The following TFDP2 variants were observed in gnomAD, a reference collection of about 807,000 sequenced individuals.
TFDP2 encodes transcription factor Dp-2 (E2F dimerization partner 2).
TFDP2 carries 17 observed loss-of-function variants against 59.3 expected under a neutral mutation model. That is an observed-to-expected ratio of 0.29 (90% confidence interval 0.20 to 0.43). The LOEUF (loss-of-function observed/expected upper bound fraction) is 0.43, where lower values mean the gene tolerates loss of function less well. Among genes scored for constraint, TFDP2 ranks in the 20% least tolerant of loss-of-function variants. The pLI is 1.00. For synonymous variants in TFDP2, 180 were observed against 194.7 expected, an observed-to-expected ratio of 0.92 and a Z score of 0.63; for missense variants, 391 against 528.8, an observed-to-expected ratio of 0.74 and a Z score of 2.56.
intron 3 of TFDP2, among the ~76,000 whole-genome samples, chr3:142,078,330 G>A (rs2060533002): frequency 6.6e-6 from 1 of 152,156 alleles, no homozygotes; most frequent in Non-Finnish European, 1.5e-5. Flanking sequence ...CCTTGAGCAA[G>A]ACCCAGTATT....
At chr3:142,044,392 C>T (rs569023541) in intron 3 of TFDP2, among the ~76,000 whole-genome samples, 264 of 152,078 alleles carry the variant, frequency 1.7e-3, no homozygotes, top group African/African-American at 5.4e-3. Flanking sequence ...TGCACCACCA[C>T]GCCCAGATAA....
At chr3:142,061,913 C>T (rs1426921942) in intron 3 of TFDP2, among the ~76,000 whole-genome samples, 4 of 150,088 alleles carry the variant, frequency 2.7e-5, no homozygotes, top group African/African-American at 4.9e-5. Flanking sequence ...CACACACACA[C>T]ACACACACAC....
At chr3:142,108,098 T>C (rs532314285) in intron 1 of TFDP2, among the ~76,000 whole-genome samples, 5 of 152,298 alleles carry the variant, frequency 3.3e-5, no homozygotes, top group African/African-American at 9.6e-5. Context: ...CTAGTGCCAA[T>C]GAGCTTTCTT....
chr3:142,001,785 C>T (rs1286669564), intron 4 of TFDP2, among the ~76,000 whole-genome samples: 3 of 152,292 alleles, frequency 2.0e-5, no homozygotes, highest in East Asian at 1.9e-4. Flanking sequence ...TCCAATTTCA[C>T]GGCTCCTAAG....
intron 6 of TFDP2, among the ~76,000 whole-genome samples, chr3:141,988,177 C>T (rs896334145): frequency 1.3e-5 from 2 of 152,132 alleles, no homozygotes; most frequent in African/African-American, 4.8e-5. Flanking sequence ...AATTCTTGGG[C>T]GCAAGAGAAT....
chr3:142,143,586 CA>C (rs2063041033), intron 1 of TFDP2, among the ~76,000 whole-genome samples: 1 of 152,144 alleles, frequency 6.6e-6, no homozygotes, highest in Non-Finnish European at 1.5e-5. Flanking sequence ...AAAAAATGAG[CA>C]AAAGATCTGA....
Position 142,107,003 on chromosome 3 carries a change from A to T in TFDP2, c.-92-5162T>A, listed in dbSNP as rs1232896806. 3.9e-5 allele frequency among the ~76,000 whole-genome samples: 6 copies of T among 152,244 alleles called. No homozygotes were observed. In the East Asian group the frequency reaches 9.6e-4, roughly 24 times the overall value. On this transcript the variant is annotated intron_variant, in intron 1 of 12. Transcript: ENST00000489671. ...AAAAAAGCTGCTACTAAAAATTAAT[A>T]GGAAAGGTAGCATATTTAAATGGCA...
intron 1 of TFDP2, among the ~76,000 whole-genome samples, chr3:142,136,521 C>T (rs1472853876): frequency 2.0e-5 from 3 of 151,960 alleles, no homozygotes; most frequent in Middle Eastern, 6.3e-3. Context: ...ATGGTACTGC[C>T]TAGGTTTTCT....
intron 3 of TFDP2, among the ~76,000 whole-genome samples, chr3:142,075,561 GTT>G (rs2060414595): frequency 6.6e-6 from 1 of 151,918 alleles, no homozygotes; most frequent in African/African-American, 2.4e-5. Flanking sequence ...GTACAACTCT[GTT>G]AGTCCCTCTC....
At position 141,978,503 on chromosome 3, in the gene TFDP2, G is replaced by T. The variant is rs755880291; in HGVS notation, c.519+17C>A. On this transcript the variant is annotated intron_variant, in intron 7 of 12. Transcript: ENST00000489671. The stretch of plus-strand genomic sequence containing the variant: ...CATCATCCATCAAAATCAATGTCAG[G>T]TTCATGATTTACATACCGAATCAGC... 4.4e-6 allele frequency: 7 copies of T among 1,600,464 alleles called. No homozygotes were observed. The highest frequency in any genetic ancestry group is 6.0e-6 in the Non-Finnish European group (7 of 1,175,634).
At chr3:142,126,540 T>G (rs1007601652) in intron 1 of TFDP2, among the ~76,000 whole-genome samples, 2 of 152,060 alleles carry the variant, frequency 1.3e-5, no homozygotes, top group Non-Finnish European at 2.9e-5. Flanking sequence ...CAGAAAAAAC[T>G]CCTGAGTTTA....
At chr3:141,983,623 GAA>G (rs35735051) in intron 6 of TFDP2, among the ~76,000 whole-genome samples, 10,727 of 73,004 alleles carry the variant, frequency 0.15, 452 homozygotes, top group Non-Finnish European at 0.2. Flanking sequence ...AATGTCTCAA[GAA>G]AAAAAAAAAA....
intron 1 of TFDP2, among the ~76,000 whole-genome samples, chr3:142,131,362 C>T (rs1189629453): frequency 6.7e-6 from 1 of 149,972 alleles, no homozygotes; most frequent in Non-Finnish European, 1.5e-5. Context: ...CACAATCATA[C>T]AAGACAATTT....
intron 3 of TFDP2, among the ~76,000 whole-genome samples, chr3:142,025,208 C>T (rs1464762931): frequency 1.3e-5 from 2 of 152,112 alleles, no homozygotes; most frequent in East Asian, 3.9e-4. Flanking sequence ...TTTGGTTTCT[C>T]ATAGAGTATA....
chr3:142,130,800 C>T (rs1354899778), intron 1 of TFDP2, among the ~76,000 whole-genome samples: 2 of 151,746 alleles, frequency 1.3e-5, no homozygotes, highest in Non-Finnish European at 2.9e-5. Flanking sequence ...GCCTGTAATC[C>T]CAGCACTTTG....
intron 4 of TFDP2, among the ~76,000 whole-genome samples, chr3:142,001,714 C>T (rs563798863): frequency 2.0e-5 from 3 of 152,104 alleles, no homozygotes; most frequent in African/African-American, 4.8e-5. Context: ...TTACTATAAA[C>T]AGCCAAGAGA....
At chr3:141,993,401 A>G (rs1289054823) in intron 6 of TFDP2, 137 bp downstream of exon 6, 3 of 533,502 alleles carry the variant, frequency 5.6e-6, no homozygotes, top group African/African-American at 3.9e-5. Flanking sequence ...CTCAATGCAG[A>G]ATGAAATAAT....
At chr3:142,027,743 G>A (rs1467503796) in intron 3 of TFDP2, among the ~76,000 whole-genome samples, 3 of 152,056 alleles carry the variant, frequency 2.0e-5, no homozygotes, top group African/African-American at 4.8e-5. Context: ...ATTCAATCAA[G>A]TTGTCATATA....
chr3:141,984,000 A>G (rs996772302), intron 6 of TFDP2, among the ~76,000 whole-genome samples: 4 of 152,214 alleles, frequency 2.6e-5, no homozygotes, highest in Non-Finnish European at 5.9e-5. Flanking sequence ...AACAACAGAT[A>G]TTTGTACACC....
Sources: gnomAD v4.1 joint callset for allele counts (sites outside exome capture counted in the v4.1 genomes callset) on GRCh38, gnomAD v4.1.1 for gene constraint, MANE v1.5 for transcripts, NCBI Gene and HGNC (gene_info 2026-07-23, HGNC 2026-07-21) for gene names.